Variants in ANKRD30B observed in about 807,000 individuals in gnomAD.
ANKRD30B encodes the protein ankyrin repeat domain 30B.
In ANKRD30B, 144 loss-of-function variants were observed where a neutral mutation model predicts 202.2. The observed-to-expected ratio is 0.71, with a 90% CI of 0.62 to 0.82. The LOEUF is 0.82. Among genes scored for constraint, ANKRD30B ranks in the 40% least tolerant of loss-of-function variants. ANKRD30B has a pLI of 0.00. For synonymous variants in ANKRD30B, 508 were observed against 561.3 expected (o/e 0.91, Z 1.34); for missense variants, 1,487 against 1,669.1 (o/e 0.89, Z 1.90).
rs183954531 is a variant in ANKRD30B at position 14,845,754 on chromosome 18, A to C, written c.3181+2658A>C. On this transcript the variant is annotated intron_variant, in intron 39 of 43. Coordinates refer to ENST00000690538, the MANE Select transcript of ANKRD30B (RefSeq NM_001367607.2). The stretch of plus-strand genomic sequence containing the variant: ...GAATTCTCACAATTTTGGAAGCTGC[A>C]CAGTTCAAGATCAAGTTATCATCAG... 2.6e-4 allele frequency among the ~76,000 whole-genome samples: 40 copies of C among 152,314 alleles called. No individual in the cohort carries two copies. In the East Asian group the frequency reaches 7.7e-3, roughly 29 times the overall value.
intron 34 of ANKRD30B, among the ~76,000 whole-genome samples, chr18:14,832,411 G>A (rs1457763998): frequency 2.0e-5 from 3 of 152,172 alleles, no homozygotes; most frequent in East Asian, 3.8e-4. Flanking sequence ...TAATTTCAGA[G>A]TTTTTAAATT....
chr18:14,847,516 G>A (rs1281322856), intron 39 of ANKRD30B, among the ~76,000 whole-genome samples: 3 of 62,580 alleles, frequency 4.8e-5, no homozygotes, highest in East Asian at 3.5e-4. Context: ...TTCTTGCATA[G>A]ATGATGGCAA....
chr18:14,773,897 G>A (rs1480182579), intron 9 of ANKRD30B, among the ~76,000 whole-genome samples: 3 of 151,980 alleles, frequency 2.0e-5, no homozygotes, highest in Non-Finnish European at 4.4e-5. Flanking sequence ...CTCATGATCC[G>A]CCCGCCTTGG....
At chr18:14,795,762 A>C (rs1299926471) in intron 16 of ANKRD30B, among the ~76,000 whole-genome samples, 1 of 152,196 alleles carries the variant, frequency 6.6e-6, no homozygotes, top group Non-Finnish European at 1.5e-5. Context: ...AAATTGAAGA[A>C]CATAATAGCT....
At chr18:14,779,823 G>T in intron 10 of ANKRD30B, 137 bp from the exon 11 acceptor site, 3 of 563,028 alleles carry the variant, frequency 5.3e-6, no homozygotes, top group Non-Finnish European at 9.3e-6. Context: ...CTATAGAAGT[G>T]GTGGTTGTTA....
chr18:14,794,526 G>A (rs1297627305), intron 16 of ANKRD30B, among the ~76,000 whole-genome samples: 3 of 152,066 alleles, frequency 2.0e-5, no homozygotes, highest in Admixed American at 2.0e-4. Context: ...CCTAAAACAA[G>A]CAGATGAATT....
At position 14,808,581 on chromosome 18, in the gene ANKRD30B, T is replaced by C. The variant is rs1434658549; in HGVS notation, c.2313+2T>C. The C allele has an allele frequency of 1.3e-6, 2 of 1,554,244 alleles. No homozygotes were observed. Among genetic ancestry groups the C allele is most frequent in the Admixed American group, 1.7e-5 (1 of 59,090 alleles). ...CCTGATAAAGATGGTCTTCTGAAGGTAATTACTTTTATATTTCTATGTTGA... is the reference window on the plus strand; with the variant it reads ...CCTGATAAAGATGGTCTTCTGAAGGCAATTACTTTTATATTTCTATGTTGA... On this transcript the variant is annotated splice_donor_variant, in intron 25 of 43. Coordinates refer to ENST00000690538, the MANE Select transcript of ANKRD30B (RefSeq NM_001367607.2). LOFTEE classifies it high-confidence loss of function.
chr18:14,750,781 T>C (rs1913302678), intron 1 of ANKRD30B, among the ~76,000 whole-genome samples: 3 of 152,160 alleles, frequency 2.0e-5, no homozygotes, highest in Non-Finnish European at 4.4e-5. Context: ...TTTGAAAATG[T>C]ATTTTGGTGT....
rs762240223 is a variant in ANKRD30B at position 14,791,428 on chromosome 18, G to T, written c.1762G>T (p.Asp588Tyr). The T allele has an allele frequency of 6.2e-7, 1 of 1,610,416 alleles. No homozygotes were observed. Among genetic ancestry groups the T allele is most frequent in the African/African-American group, 1.3e-5 (1 of 74,802 alleles). ...ESPCETVSQKDVYLPKATHQK... is the reference protein window; with the variant it reads ...ESPCETVSQKYVYLPKATHQK... ...TCCCTGTGAGACGGTTTCACAGAAG[G>T]ATGTGTATTTACCCAAAGCTACACA... Residue 588 changes from aspartate (D) to tyrosine (Y), a missense_variant, in exon 16 of 44, where the codon GAT becomes TAT. Physicochemically the swap from Asp to Tyr is radical, Grantham distance 160. Around this residue, in one of 6 missense-constraint regions of ANKRD30B, gnomAD observed 889 missense variants for 841.4 expected, o/e 1.06. Transcript: ENST00000690538.
intron 40 of ANKRD30B, among the ~76,000 whole-genome samples, chr18:14,849,875 A>T (rs1259934554): frequency 6.6e-6 from 1 of 151,620 alleles, no homozygotes; most frequent in East Asian, 1.9e-4. Context: ...ATCTGTCCTC[A>T]CTGAGGACTA....
rs767398948 is a variant in ANKRD30B, at chr18:14,826,691, T to TCACACACACACACACACACA, written c.2744-1586_2744-1585insACACACACACACACACACAC. Among the ~76,000 whole-genome samples the TCACACACACACACACACACA allele has an allele frequency of 2.5e-4, 21 of 83,830 alleles. No individual in the cohort carries two copies. In the East Asian group the frequency reaches 0.011, roughly 44 times the overall value. 55.0% of individuals were successfully genotyped at this position (83,830 alleles called of 152,430 possible). A position where few individuals can be genotyped will look rare whatever the true frequency, so the allele number is the denominator to read the frequency against. On this transcript the variant is annotated intron_variant, in intron 32 of 43. Transcript: ENST00000690538. ...CTCTCTCTCCCCCTCTCTCTCTCTC[T>TCACACACACACACACACACA]CTCACACACACACACACACACACAC... is the stretch of plus-strand genomic sequence containing the variant.
At chr18:14,776,573 A>G (rs1967367140) in intron 9 of ANKRD30B, among the ~76,000 whole-genome samples, 1 of 152,222 alleles carries the variant, frequency 6.6e-6, no homozygotes, top group Admixed American at 6.5e-5. Flanking sequence ...TAGAATGACT[A>G]GCATGCAGAA....
the ANKRD30B span, among the ~76,000 whole-genome samples, chr18:14,888,545 A>C: frequency 6.6e-6 from 1 of 152,024 alleles, no homozygotes; most frequent in Admixed American, 6.6e-5. Flanking sequence ...AGTGTCTTAA[A>C]ACAAACATAA....
At chr18:14,809,014 G>C (rs189245734) in intron 26 of ANKRD30B, among the ~76,000 whole-genome samples, 3 of 150,506 alleles carry the variant, frequency 2.0e-5, no homozygotes, top group Non-Finnish European at 3.0e-5. Context: ...CAGGTGGATC[G>C]GCAGGTTGAG....
At chr18:14,797,323 C>G (rs1355138470) in intron 18 of ANKRD30B, among the ~76,000 whole-genome samples, 1 of 152,160 alleles carries the variant, frequency 6.6e-6, no homozygotes, top group Non-Finnish European at 1.5e-5. Flanking sequence ...TCCCTGACTG[C>G]ACATCCATTC....
the ANKRD30B span, among the ~76,000 whole-genome samples, chr18:14,876,498 C>T: frequency 6.6e-6 from 1 of 152,188 alleles, no homozygotes; most frequent in African/African-American, 2.4e-5. Context: ...GATTCTGCTC[C>T]TGATCTCATG....
At chr18:14,890,135 T>C in the ANKRD30B span, 1 of 812,122 alleles carries the variant, frequency 1.2e-6, no homozygotes, top group Non-Finnish European at 2.1e-6. Context: ...TCGTTCAGCT[T>C]TGCCAATGAT....
chr18:14,876,339 G>A, the ANKRD30B span, among the ~76,000 whole-genome samples: 1 of 152,196 alleles, frequency 6.6e-6, no homozygotes, highest in Non-Finnish European at 1.5e-5. Flanking sequence ...GAGTAAGTAA[G>A]TGCTAAGCTG....
At chr18:14,874,000 C>T in the ANKRD30B span, among the ~76,000 whole-genome samples, 1 of 152,098 alleles carries the variant, frequency 6.6e-6, no homozygotes, top group Non-Finnish European at 1.5e-5. Context: ...GAACATGAGC[C>T]CTGGTGCCAT....
Sources: gnomAD v4.1 joint callset for allele counts (sites outside exome capture counted in the v4.1 genomes callset) on GRCh38, gnomAD v4.1.1 for gene constraint, gnomAD v4.1.1 regional missense constraint, MANE v1.5 for transcripts, NCBI Gene and HGNC (gene_info 2026-07-23, HGNC 2026-07-21) for gene names.